MCTP1: variants seen among roughly 807,000 people sequenced by gnomAD.
The protein encoded by MCTP1 is multiple C2 and transmembrane domain containing 1, also known as multiple C2 and transmembrane domain-containing protein 1.
A neutral mutation model predicts 120.6 loss-of-function variants in MCTP1; 69 were observed. The observed-to-expected ratio is 0.57, with a 90% CI of 0.47 to 0.70. MCTP1 has a LOEUF of 0.70. Among genes scored for constraint, MCTP1 ranks in the 30% least tolerant of loss-of-function variants. The pLI, the probability that MCTP1 is intolerant of heterozygous loss-of-function variation, is 0.00. For synonymous variants in MCTP1, 529 were observed against 493.1 expected, an observed-to-expected ratio of 1.07 and a Z score of -0.96; for missense variants, 1,203 against 1,248.8, an observed-to-expected ratio of 0.96 and a Z score of 0.55.
intron 1 of MCTP1, among the ~76,000 whole-genome samples, chr5:95,073,446 AC>A (rs1752749252): frequency 6.6e-6 from 1 of 151,902 alleles, no homozygotes. Flanking sequence ...CATCTCCTCA[AC>A]CTTACTGAGT....
At chr5:95,195,630 T>C (rs967570468) in intron 1 of MCTP1, among the ~76,000 whole-genome samples, 3 of 152,038 alleles carry the variant, frequency 2.0e-5, no homozygotes, top group African/African-American at 7.2e-5. Context: ...CCATAAAAGA[T>C]ATGAGTTTGG....
At chr5:95,175,099 G>A (rs1747808494) in intron 1 of MCTP1, among the ~76,000 whole-genome samples, 1 of 152,032 alleles carries the variant, frequency 6.6e-6, no homozygotes, top group South Asian at 2.1e-4. Flanking sequence ...CAGACACAGT[G>A]GGAAAAAAAT....
chr5:94,825,835 G>A (rs1173985995), intron 17 of MCTP1: 1 of 169,498 alleles, frequency 5.9e-6, no homozygotes, highest in Admixed American at 6.4e-5. Context: ...TTACCATTAT[G>A]TAATGCCCTA....
At chr5:94,805,351 G>A (rs539065938) in intron 17 of MCTP1, among the ~76,000 whole-genome samples, 3 of 152,308 alleles carry the variant, frequency 2.0e-5, no homozygotes, top group South Asian at 4.1e-4. Flanking sequence ...AATAGGCCGG[G>A]CACTGTGGCT....
At chr5:95,093,231 G>A (rs1755981651) in intron 1 of MCTP1, among the ~76,000 whole-genome samples, 1 of 152,112 alleles carries the variant, frequency 6.6e-6, no homozygotes, top group Admixed American at 6.5e-5. Context: ...CTGACTCAAA[G>A]GGCCAAACAC....
At chr5:94,870,802 A>AAGT (rs1797713618) in intron 15 of MCTP1, 70 bp downstream of exon 15, 1 of 1,093,162 alleles carries the variant, frequency 9.1e-7, no homozygotes, top group African/African-American at 1.6e-5. Context: ...AATTCTCTAC[A>AAGT]AATCAGGAAC....
chr5:94,860,765 A>G (rs1422034384), intron 17 of MCTP1, among the ~76,000 whole-genome samples: 1 of 151,620 alleles, frequency 6.6e-6, no homozygotes, highest in Non-Finnish European at 1.5e-5. Context: ...GGGAAGCAAC[A>G]GAAATCTTAG....
At chr5:95,079,279 T>C (rs1317893363) in intron 1 of MCTP1, among the ~76,000 whole-genome samples, 1 of 152,090 alleles carries the variant, frequency 6.6e-6, no homozygotes, top group African/African-American at 2.4e-5. Context: ...TAAGCACCTA[T>C]GGGAAGTATG....
intron 19 of MCTP1, among the ~76,000 whole-genome samples, chr5:94,757,739 T>C (rs1428418352): frequency 6.6e-6 from 1 of 152,160 alleles, no homozygotes; most frequent in African/African-American, 2.4e-5. Context: ...GCTTGTTGCA[T>C]GGATGGATGA....
chr5:95,078,551 C>T (rs1754182376), intron 1 of MCTP1, among the ~76,000 whole-genome samples: 1 of 152,100 alleles, frequency 6.6e-6, no homozygotes, highest in South Asian at 2.1e-4. Context: ...TTCATAAAGG[C>T]CTGGGTTTCA....
intron 18 of MCTP1, among the ~76,000 whole-genome samples, chr5:94,786,720 C>T (rs1041379140): frequency 5.3e-5 from 8 of 151,988 alleles, no homozygotes; most frequent in Non-Finnish European, 1.2e-4. Context: ...ATTTATAGTA[C>T]CAACATTTAG....
chr5:95,260,754 T>C (rs1014431939), intron 1 of MCTP1, among the ~76,000 whole-genome samples: 3 of 152,280 alleles, frequency 2.0e-5, no homozygotes, highest in Admixed American at 2.0e-4. Context: ...AAAGGTGCTG[T>C]GTGTGTGTCT....
At chr5:95,152,257 G>C (rs140159569) in intron 1 of MCTP1, among the ~76,000 whole-genome samples, 166 of 152,244 alleles carry the variant, frequency 1.1e-3, no homozygotes, top group African/African-American at 3.8e-3. Flanking sequence ...CAAAACACCA[G>C]GATCATTCCA....
intron 13 of MCTP1, 31 bp from the exon 14 acceptor site, chr5:94,871,448 A>G (rs1224560112): frequency 7.0e-7 from 1 of 1,431,524 alleles, no homozygotes; most frequent in Non-Finnish European, 9.8e-7. Context: ...AGAAAAAAAG[A>G]TTTCATCAGT....
intron 10 of MCTP1, among the ~76,000 whole-genome samples, chr5:94,895,178 C>T (rs1803655821): frequency 6.6e-6 from 1 of 152,122 alleles, no homozygotes; most frequent in Non-Finnish European, 1.5e-5. Context: ...TGATGTGTGC[C>T]ATCTAGAGAG....
intron 19 of MCTP1, among the ~76,000 whole-genome samples, chr5:94,771,937 G>T (rs1039578125): frequency 3.9e-5 from 6 of 152,174 alleles, no homozygotes. Context: ...CTCTAGGGGA[G>T]AATCCTTTTC....
intron 1 of MCTP1, among the ~76,000 whole-genome samples, chr5:95,082,904 T>A (rs1487264046): frequency 6.6e-6 from 1 of 152,304 alleles, no homozygotes; most frequent in East Asian, 1.9e-4. Flanking sequence ...TTTAGGAAGG[T>A]CTTCCCTGAC....
At chr5:95,111,489 T>C (rs1040899329) in intron 1 of MCTP1, among the ~76,000 whole-genome samples, 2 of 152,158 alleles carry the variant, frequency 1.3e-5, no homozygotes, top group Admixed American at 6.5e-5. Context: ...AAGCCAAAAA[T>C]CTATTTCCAG....
At chr5:95,283,757 G>T (rs1760506879) in intron 1 of MCTP1, 99 bp downstream of exon 1, 1 of 930,868 alleles carries the variant, frequency 1.1e-6, no homozygotes, top group South Asian at 3.5e-5. Flanking sequence ...TTCTCCTCCC[G>T]CCTCCCGGCC....
Sources: gnomAD v4.1 joint callset for allele counts (sites outside exome capture counted in the v4.1 genomes callset) on GRCh38, gnomAD v4.1.1 for gene constraint, MANE v1.5 for transcripts, NCBI Gene and HGNC (gene_info 2026-07-23, HGNC 2026-07-21) for gene names.